ANKRD11: variants seen among roughly 807,000 people sequenced by gnomAD.
The protein encoded by ANKRD11 is ankyrin repeat domain-containing protein 11.
ANKRD11 carries 17 observed loss-of-function variants against 195.7 expected under a neutral mutation model. The ratio of observed to expected loss-of-function variants is 0.09; its 90% CI spans 0.06 to 0.13. The LOEUF (loss-of-function observed/expected upper bound fraction) is 0.13. Ranked by LOEUF, ANKRD11 falls within the 10% of genes least tolerant of loss-of-function variation. ANKRD11 has a pLI of 1.00. For synonymous variants in ANKRD11, 1,953 were observed against 1,528.1 expected (o/e 1.28, Z -6.49); for missense variants, 3,735 against 3,566.1 (o/e 1.05, Z -1.21).
chr16:89,341,294 C>G (rs2038646387), intron 2 of ANKRD11, among the ~76,000 whole-genome samples: 1 of 152,188 alleles, frequency 6.6e-6, no homozygotes, highest in South Asian at 2.1e-4. Context: ...ATTAAATACA[C>G]CACAGGATTT....
chr16:89,388,786 G>T (rs775319585), intron 2 of ANKRD11, among the ~76,000 whole-genome samples: 1 of 152,174 alleles, frequency 6.6e-6, no homozygotes. Context: ...CCTGTCCGCA[G>T]CCCTGGGAAG....
intron 9 of ANKRD11, among the ~76,000 whole-genome samples, chr16:89,276,783 C>G (rs531318186): frequency 6.6e-6 from 1 of 152,176 alleles, no homozygotes; most frequent in Non-Finnish European, 1.5e-5. Context: ...TTAGGCCGAG[C>G]GCAGTGGCTC....
chr16:89,322,949 T>C, intron 2 of ANKRD11: 3 of 250,360 alleles, frequency 1.2e-5, no homozygotes, highest in Non-Finnish European at 2.4e-5. Flanking sequence ...GCTCAAGCTA[T>C]CCGCTCACTT....
chr16:89,476,286 G>A (rs1273166211), intron 1 of ANKRD11, among the ~76,000 whole-genome samples: 1 of 152,108 alleles, frequency 6.6e-6, no homozygotes, highest in Non-Finnish European at 1.5e-5. Context: ...ACTTGTCACA[G>A]CCTTAATAAC....
intron 2 of ANKRD11, among the ~76,000 whole-genome samples, chr16:89,334,144 T>TAA (rs869142504): frequency 0.012 from 488 of 41,322 alleles, 28 homozygotes; most frequent in Admixed American, 0.018. Context: ...CCCTGTGTTT[T>TAA]AAAAAAAAAA....
chr16:89,297,735 T>C (rs1018071920), intron 4 of ANKRD11: 1 of 152,252 alleles, frequency 6.6e-6, no homozygotes, highest in African/African-American at 2.4e-5. Context: ...CGCTGAGCAC[T>C]GTGAGCCATC....
Position 89,286,345 on chromosome 16 carries a change from TGGCGA to T in ANKRD11, c.745-164_745-160del, listed in dbSNP as rs1011723683. On this transcript the variant is annotated intron_variant, in intron 7 of 12. Coordinates refer to ENST00000301030, the MANE Select transcript of ANKRD11 (RefSeq NM_013275.6). ...GGGAGCCGAGCGCCCAGGGACTGCC[TGGCGA>T]GGCTCTGGGTGTGGTGGGCGAGGCT... 2.8e-6 allele frequency: 3 copies of T among 1,064,186 alleles called. No homozygotes were observed. The African/African-American group carries it at 4.7e-5, about 17-fold the overall frequency. 65.9% of individuals were successfully genotyped at this position (1,064,186 alleles called of 1,614,324 possible).
chr16:89,468,943 T>C (rs923693218), intron 1 of ANKRD11, among the ~76,000 whole-genome samples: 3 of 152,142 alleles, frequency 2.0e-5, no homozygotes, highest in Non-Finnish European at 4.4e-5. Context: ...GATAAATAAA[T>C]GTAAAAGAAA....
rs146512254 is a variant in ANKRD11, at chr16:89,380,759, G to A, written c.-60+37525C>T. The stretch of plus-strand genomic sequence containing the variant: ...AGGCAGAGAAGAAGCTGGAGGCCTC[G>A]TGGGGCATCTCCTGCACGGGCAGCA... On this transcript the variant is annotated intron_variant, in intron 2 of 12. Transcript: ENST00000301030. 7.3e-3 allele frequency among the ~76,000 whole-genome samples: 1,105 copies of A among 152,364 alleles called. 12 individuals carry two copies. Among genetic ancestry groups the A allele is most frequent in the African/African-American group, 0.025 (1,053 of 41,588 alleles).
In ANKRD11 at chr16:89,367,060, C is replaced by T. The variant is rs116708599; in HGVS notation, c.-59-49982G>A. On this transcript the variant is annotated intron_variant, in intron 2 of 12. Coordinates refer to ENST00000301030, the MANE Select transcript of ANKRD11 (RefSeq NM_013275.6). ...CCAGCCACGGCTCCTTCTGCTAGGACGACCTCTCCTCTATGACAGACTCCA... is the reference window on the plus strand; with the variant it reads ...CCAGCCACGGCTCCTTCTGCTAGGATGACCTCTCCTCTATGACAGACTCCA... 2.1e-3 allele frequency among the ~76,000 whole-genome samples: 317 copies of T among 152,296 alleles called. 1 individual carries two copies. Among genetic ancestry groups the T allele is most frequent in the African/African-American group, 7.3e-3 (305 of 41,554 alleles).
chr16:89,483,397 T>C (rs2057505753), intron 1 of ANKRD11, among the ~76,000 whole-genome samples: 1 of 152,240 alleles, frequency 6.6e-6, no homozygotes, highest in Non-Finnish European at 1.5e-5. Context: ...AGCATGAATG[T>C]AAATCTCATT....
chr16:89,437,269 T>C (rs953606797), intron 1 of ANKRD11, among the ~76,000 whole-genome samples: 2 of 152,148 alleles, frequency 1.3e-5, no homozygotes, highest in African/African-American at 4.8e-5. Flanking sequence ...GATGCTAATA[T>C]GCTAATATGA....
intron 2 of ANKRD11, among the ~76,000 whole-genome samples, chr16:89,378,121 G>A (rs1485666169): frequency 1.3e-5 from 2 of 152,106 alleles, no homozygotes; most frequent in African/African-American, 2.4e-5. Flanking sequence ...AGGCCGAGGC[G>A]GAAGGATCAC....
intron 1 of ANKRD11, among the ~76,000 whole-genome samples, chr16:89,485,454 A>C (rs1039294350): frequency 2.0e-5 from 3 of 152,130 alleles, no homozygotes; most frequent in Non-Finnish European, 4.4e-5. Context: ...AGATCGTGCC[A>C]CTGCACTCCA....
At chr16:89,467,959 C>T (rs1428852175) in intron 1 of ANKRD11, among the ~76,000 whole-genome samples, 1 of 151,916 alleles carries the variant, frequency 6.6e-6, no homozygotes, top group South Asian at 2.1e-4. Flanking sequence ...CACCACCATA[C>T]CCAGGTAAGT....
chr16:89,274,437 G>C (rs2033462435), intron 11 of ANKRD11, among the ~76,000 whole-genome samples: 1 of 151,834 alleles, frequency 6.6e-6, no homozygotes, highest in South Asian at 2.1e-4. Flanking sequence ...GGCAGCCCTG[G>C]GGTGCCTGAG....
chr16:89,446,307 G>A (rs1052274684), intron 1 of ANKRD11, among the ~76,000 whole-genome samples: 16 of 152,144 alleles, frequency 1.1e-4, no homozygotes, highest in Middle Eastern at 3.4e-3. Flanking sequence ...CATCTAAACA[G>A]TTTAACACTG....
At chr16:89,407,920 TCTTC>T (rs2041974935) in intron 2 of ANKRD11, among the ~76,000 whole-genome samples, 1 of 150,894 alleles carries the variant, frequency 6.6e-6, no homozygotes, top group Non-Finnish European at 1.5e-5. Context: ...TAAAACTCAG[TCTTC>T]CATTAACTTC....
Position 89,470,583 on chromosome 16 carries a change from C to G in ANKRD11, c.-145+19662G>C, listed in dbSNP as rs920238193. Among the ~76,000 whole-genome samples the G allele has an allele frequency of 2.6e-5, 4 of 152,214 alleles. No homozygotes were observed. In the South Asian group the frequency reaches 8.3e-4, roughly 31 times the overall value. On this transcript the variant is annotated intron_variant, in intron 1 of 12. Coordinates refer to ENST00000301030, the MANE Select transcript of ANKRD11 (RefSeq NM_013275.6). ...GAAAGCAGCCAGGTGCGATGGCTCACGCCTCTAATCCCAGCACTTTGGGAG... is the reference window on the plus strand; with the variant it reads ...GAAAGCAGCCAGGTGCGATGGCTCAGGCCTCTAATCCCAGCACTTTGGGAG...
Sources: gnomAD v4.1 joint callset for allele counts (sites outside exome capture counted in the v4.1 genomes callset) on GRCh38, gnomAD v4.1.1 for gene constraint, MANE v1.5 for transcripts, NCBI Gene and HGNC (gene_info 2026-07-23, HGNC 2026-07-21) for gene names.